The following TTC7A variants were observed in gnomAD, a reference collection of about 807,000 sequenced individuals.
The protein encoded by TTC7A is tetratricopeptide repeat protein 7A.
TTC7A carries 110 observed loss-of-function variants against 103.7 expected under a neutral mutation model. The ratio of observed to expected loss-of-function variants is 1.06; its 90% CI spans 0.91 to 1.24. The LOEUF (loss-of-function observed/expected upper bound fraction) is 1.24. TTC7A is among the 50% of genes most tolerant of loss of function. The pLI is 0.00. For missense variants in TTC7A, 1,340 were observed against 1,116.3 expected (o/e 1.20, Z -2.86); for synonymous variants, 521 against 467.9 (o/e 1.11, Z -1.47).
intron 4 of TTC7A, among the ~76,000 whole-genome samples, chr2:46,976,103 G>A (rs1476475992): frequency 6.6e-6 from 1 of 152,244 alleles, no homozygotes; most frequent in Non-Finnish European, 1.5e-5. Flanking sequence ...TAAGGGGACA[G>A]GCAACTATAT....
rs542702950 is a variant in TTC7A, at chr2:47,007,344, G to A, written c.1287+620G>A. Reference sequence around the variant, plus strand: ...TGCCATCACCCCTGCTTTTTGCTCCGATCAGAATTATACTTACATAAGCCT... The same window carrying A: ...TGCCATCACCCCTGCTTTTTGCTCCAATCAGAATTATACTTACATAAGCCT... On this transcript the variant is annotated intron_variant, in intron 10 of 19. Coordinates refer to ENST00000319190, the MANE Select transcript of TTC7A (RefSeq NM_020458.4). This position sits in a 1 kb window ranked among gnomAD's most constrained non-coding sequence, Gnocchi z 4.9. Among the ~76,000 whole-genome samples, 48 of 152,222 alleles carry A rather than the reference G, an allele frequency of 3.2e-4. No individual in the cohort carries two copies. Among genetic ancestry groups the A allele is most frequent in the African/African-American group, 1.0e-3 (42 of 41,528 alleles).
At position 47,011,330 on chromosome 2, in the gene TTC7A, G is replaced by A. The variant is rs568082272; in HGVS notation, c.1288-1G>A. On this transcript the variant is annotated splice_acceptor_variant, in intron 10 of 19. Coordinates refer to ENST00000319190, the MANE Select transcript of TTC7A (RefSeq NM_020458.4). LOFTEE classifies it high-confidence loss of function. ...GTGTTTCCTGCTCTTTTTTTCTGCA[G>A]TCAGCCTACGCTGTGTCCCTGCTGC... 1.2e-6 allele frequency: 2 copies of A among 1,611,416 alleles called. No individual in the cohort carries two copies.
At chr2:47,063,359 CCCCTT>C (rs1323371063) in intron 19 of TTC7A, among the ~76,000 whole-genome samples, 2 of 152,206 alleles carry the variant, frequency 1.3e-5, no homozygotes, top group Non-Finnish European at 2.9e-5. Context: ...GTATCTCACC[CCCCTT>C]CAGTCCCTCA....
chr2:46,962,473 T>C (rs1049439434), intron 3 of TTC7A, among the ~76,000 whole-genome samples: 1 of 152,096 alleles, frequency 6.6e-6, no homozygotes, highest in Non-Finnish European at 1.5e-5. Flanking sequence ...GAAGTAAAAT[T>C]TGTCAGCAGT....
intron 14 of TTC7A, 43 bp from the exon 15 acceptor site, chr2:47,029,181 G>A (rs1680239479): frequency 6.2e-7 from 1 of 1,606,854 alleles, no homozygotes; most frequent in East Asian, 2.2e-5. Flanking sequence ...TCCCAGGGCA[G>A]CATGTGCCTG....
chr2:46,946,401 C>A (rs916669856), intron 1 of TTC7A, among the ~76,000 whole-genome samples: 2 of 152,106 alleles, frequency 1.3e-5, no homozygotes, highest in Non-Finnish European at 2.9e-5. Context: ...CTTTATCCAC[C>A]TGAATTCTTT....
At chr2:46,973,891 G>C (rs1440336442) in intron 3 of TTC7A, among the ~76,000 whole-genome samples, 1 of 152,138 alleles carries the variant, frequency 6.6e-6, no homozygotes, top group African/African-American at 2.4e-5. Flanking sequence ...GTCGTGCCAG[G>C]GGGTGAAAGG....
intron 15 of TTC7A, among the ~76,000 whole-genome samples, chr2:47,037,883 CT>C (rs1054619756): frequency 6.6e-6 from 1 of 152,116 alleles, no homozygotes; most frequent in African/African-American, 2.4e-5. Context: ...CCTGCTGGGC[CT>C]TTTATGTGCA....
At chr2:47,038,163 G>A (rs1440568336) in intron 15 of TTC7A, among the ~76,000 whole-genome samples, 1 of 151,888 alleles carries the variant, frequency 6.6e-6, no homozygotes, top group African/African-American at 2.4e-5. Context: ...GGAGGCTGAG[G>A]CAGGAGAATC....
chr2:46,923,089 T>C (rs939919588), intron 2 of TTC7A, among the ~76,000 whole-genome samples: 7 of 152,132 alleles, frequency 4.6e-5, no homozygotes, highest in African/African-American at 1.4e-4. Context: ...CCCCATGGAG[T>C]TGGAGTGCAC....
At chr2:47,024,585 C>T (rs902564779) in intron 14 of TTC7A, among the ~76,000 whole-genome samples, 10 of 152,108 alleles carry the variant, frequency 6.6e-5, no homozygotes, top group East Asian at 3.9e-4. Flanking sequence ...GCGTGTTCTC[C>T]GCCCTCACTC....
intron 3 of TTC7A, among the ~76,000 whole-genome samples, chr2:46,966,978 T>C (rs1169976519): frequency 6.6e-6 from 1 of 151,738 alleles, no homozygotes; most frequent in African/African-American, 2.4e-5. Flanking sequence ...TTTGGGAGGC[T>C]GAGGCGGGTG....
chr2:46,969,274 C>T (rs1673141958), intron 3 of TTC7A, among the ~76,000 whole-genome samples: 2 of 151,682 alleles, frequency 1.3e-5, no homozygotes, highest in Admixed American at 6.6e-5. Flanking sequence ...GAGGCCGAGG[C>T]GGGTGGATCA....
chr2:46,963,734 G>A (rs11674443), intron 3 of TTC7A, among the ~76,000 whole-genome samples: 80,729 of 135,230 alleles, frequency 0.6, 23,079 homozygotes, highest in East Asian at 0.69. Context: ...AGCTGAATCC[G>A]GGGGCTCAGC....
Position 46,951,135 on chromosome 2 carries a change from C to A in TTC7A, c.348+609C>A, listed in dbSNP as rs138841423. Among the ~76,000 whole-genome samples, 9 of 152,194 alleles carry A rather than the reference C, an allele frequency of 5.9e-5. No homozygotes were observed. In the East Asian group the frequency reaches 1.7e-3, roughly 29 times the overall value. ...CATAACAGGGCAAGCCCATTTAAGT[C>A]CACGTGTATTTATCAAGCACCTACT... On this transcript the variant is annotated intron_variant, in intron 2 of 19. Coordinates refer to ENST00000319190, the MANE Select transcript of TTC7A (RefSeq NM_020458.4).
chr2:47,032,859 C>CAAAAAA, intron 15 of TTC7A, among the ~76,000 whole-genome samples: 1 of 87,990 alleles, frequency 1.1e-5, no homozygotes, highest in Non-Finnish European at 2.4e-5. Context: ...TTGTTTTAAG[C>CAAAAAA]AAAAAAAAAA....
In TTC7A at chr2:47,021,978, C is replaced by A. The variant is rs753851181; in HGVS notation, c.1509C>A (p.Asp503Glu). Residue 503 changes from aspartate (D) to glutamate (E), a missense_variant and splice_region_variant, in exon 12 of 20, where the codon GAC (aspartate) becomes GAA (glutamate). Transcript: ENST00000319190. The part of the protein sequence containing the change: ...LGLTYSLQAT[D>E]ATLKSKQDEL... ...TCACCTATAGCCTGCAGGCCACCGA[C>A]GGTGAGTGCCAGGCCCCAGGAGGCC... The A allele has an allele frequency of 6.2e-7, 1 of 1,607,380 alleles. No homozygotes were observed.
chr2:47,038,526 C>T (rs960101471), intron 15 of TTC7A, among the ~76,000 whole-genome samples: 7 of 152,180 alleles, frequency 4.6e-5, no homozygotes, highest in Non-Finnish European at 7.3e-5. Flanking sequence ...AAATAGAACT[C>T]TTCATTAAAA....
At chr2:46,933,660 A>G (rs1264720879) in intron 2 of TTC7A, among the ~76,000 whole-genome samples, 1 of 152,232 alleles carries the variant, frequency 6.6e-6, no homozygotes, top group Non-Finnish European at 1.5e-5. Flanking sequence ...TGATTTCCGA[A>G]TGTAGCGATC....
Sources: allele counts gnomAD v4.1 joint callset (sites outside exome capture counted in the v4.1 genomes callset), GRCh38; gene constraint gnomAD v4.1.1; non-coding constraint Gnocchi (gnomAD v3.1); transcripts MANE v1.5; gene names NCBI Gene and HGNC (gene_info 2026-07-23, HGNC 2026-07-21).